Variants in RSBN1 observed in about 807,000 individuals in gnomAD.
RSBN1 encodes round spermatid basic protein 1.
A neutral mutation model predicts 74.8 loss-of-function variants in RSBN1; 23 were observed. The observed-to-expected ratio is 0.31, with a 90% CI of 0.22 to 0.44. The LOEUF (loss-of-function observed/expected upper bound fraction) is 0.44. Among genes scored for constraint, RSBN1 ranks in the 20% least tolerant of loss-of-function variants. RSBN1 has a pLI of 1.00. For missense variants in RSBN1, 808 were observed against 1,020.9 expected (o/e 0.79, Z 2.84); for synonymous variants, 407 against 379.6 (o/e 1.07, Z -0.84).
intron 2 of RSBN1, among the ~76,000 whole-genome samples, chr1:113,780,780 A>G (rs2101801542): frequency 6.6e-6 from 1 of 152,378 alleles, no homozygotes; most frequent in Admixed American, 6.5e-5. Flanking sequence ...GTAAACAACT[A>G]TGCTACAAAA....
chr1:113,789,716 T>C (rs1249969840), intron 2 of RSBN1, among the ~76,000 whole-genome samples: 2 of 152,186 alleles, frequency 1.3e-5, no homozygotes, highest in Non-Finnish European at 2.9e-5. Flanking sequence ...GAAGAACTGA[T>C]TGCTTGCTTG....
intron 2 of RSBN1, among the ~76,000 whole-genome samples, chr1:113,783,433 C>A (rs1042808445): frequency 4.7e-5 from 7 of 150,288 alleles, no homozygotes; most frequent in African/African-American, 1.7e-4. Flanking sequence ...CATGCACCAA[C>A]TTTCAACCTG....
At chr1:113,775,047 G>A (rs186679402) in intron 4 of RSBN1, among the ~76,000 whole-genome samples, 1 of 145,778 alleles carries the variant, frequency 6.9e-6, no homozygotes, top group Non-Finnish European at 1.5e-5. Context: ...TTTTGGAGAT[G>A]AAGTCTTGCT....
intron 2 of RSBN1, among the ~76,000 whole-genome samples, chr1:113,779,743 C>T (rs1660099508): frequency 6.6e-6 from 1 of 152,168 alleles, no homozygotes; most frequent in Non-Finnish European, 1.5e-5. Flanking sequence ...TCAGTCTCGG[C>T]CAGGCACGGT....
At chr1:113,801,944 C>T (rs1259542670) in intron 1 of RSBN1, among the ~76,000 whole-genome samples, 1 of 151,700 alleles carries the variant, frequency 6.6e-6, no homozygotes, top group East Asian at 1.9e-4. Flanking sequence ...AAAAAAACAG[C>T]TTTCTATATT....
At chr1:113,797,223 G>T in intron 2 of RSBN1, 140 bp downstream of exon 2, 1 of 700,744 alleles carries the variant, frequency 1.4e-6, no homozygotes, top group Non-Finnish European at 2.3e-6. Context: ...TTCAATTAGA[G>T]GAAGAGACAA....
rs779298470 is a variant in RSBN1, at chr1:113,767,087, A to G, written c.1935+12T>C. Reference sequence around the variant, plus strand: ...CTAATATCGCAAATGGTGATAAAACATAAGTTATTACCTGGGAAACTGGAG... The same window carrying G: ...CTAATATCGCAAATGGTGATAAAACGTAAGTTATTACCTGGGAAACTGGAG... On this transcript the variant is annotated intron_variant, in intron 6 of 6. Transcript: ENST00000261441. 92 of 1,476,640 alleles carry G rather than the reference A, an allele frequency of 6.2e-5. No homozygotes were observed. The highest frequency in any genetic ancestry group is 1.1e-4 in the East Asian group (5 of 44,128). 91.5% of individuals were successfully genotyped at this position (1,476,640 alleles called of 1,614,324 possible).
intron 5 of RSBN1, 116 bp downstream of exon 5, chr1:113,768,106 C>T (rs1659817883): frequency 1.2e-6 from 1 of 845,270 alleles, no homozygotes; most frequent in Non-Finnish European, 1.7e-6. Flanking sequence ...GTTAAGATGG[C>T]AAACTTTATG....
chr1:113,779,469 A>G (rs1032099219), intron 2 of RSBN1, among the ~76,000 whole-genome samples: 1 of 152,196 alleles, frequency 6.6e-6, no homozygotes, highest in East Asian at 1.9e-4. Flanking sequence ...CTTAAGCAGC[A>G]GCCACCCAGG....
At chr1:113,775,271 T>C (rs541949321) in intron 4 of RSBN1, among the ~76,000 whole-genome samples, 5 of 152,172 alleles carry the variant, frequency 3.3e-5, no homozygotes, top group African/African-American at 1.2e-4. Context: ...GTGATCCGCC[T>C]GCCTTGGCCT....
chr1:113,766,246 C>T lies in RSBN1; in HGVS notation c.2143G>A (p.Glu715Lys). The change falls in exon 7 of 7, where the codon GAA (glutamate) becomes AAA (lysine). Residue 715 changes from glutamate to lysine, a missense_variant. Physicochemically the swap from Glu to Lys is moderately conservative, Grantham distance 56 (BLOSUM62 1). This residue lies in a region of RSBN1 where 91 missense variants were observed against 99.6 expected (regional missense o/e 0.91). Transcript: ENST00000261441. ...HPVVEATQNT[E>K]SNSNMDCGLT... is the part of the protein sequence containing the mutation. ...CCACAGTCCATGTTAGAATTGCTTTCTGTGTTTTGAGTGGCTTCCACAACA... is the reference window on the plus strand; with the variant it reads ...CCACAGTCCATGTTAGAATTGCTTTTTGTGTTTTGAGTGGCTTCCACAACA... 1.2e-6 allele frequency: 2 copies of T among 1,614,114 alleles called. No homozygotes were observed. The highest frequency in any genetic ancestry group is 8.5e-7 in the Non-Finnish European group (1 of 1,179,968).
chr1:113,773,514 C>T lies in RSBN1; in HGVS notation c.1658+3696G>A, dbSNP rs150525319. ...CTCCAGCCTGGGTGACAGAGCAAGA[C>T]TCTGTCTAAAACAATTTTTTAAAAT... On this transcript the variant is annotated intron_variant, in intron 4 of 6. Transcript: ENST00000261441. Among the ~76,000 whole-genome samples, 31 of 152,022 alleles carry T rather than the reference C, an allele frequency of 2.0e-4. No homozygotes were observed. The East Asian group carries it at 5.7e-3, about 28-fold the overall frequency.
intron 1 of RSBN1, among the ~76,000 whole-genome samples, chr1:113,800,506 A>T (rs1660560937): frequency 6.6e-6 from 1 of 152,206 alleles, no homozygotes; most frequent in African/African-American, 2.4e-5. Flanking sequence ...TAAAGGTTAG[A>T]CCAATTTAAA....
intron 6 of RSBN1, 120 bp downstream of exon 6, chr1:113,766,979 A>T: frequency 1.8e-6 from 1 of 563,740 alleles, no homozygotes; most frequent in Non-Finnish European, 3.1e-6. Context: ...CCCAGTCTTT[A>T]ACAGTAATAA....
At chr1:113,777,932 T>C in intron 2 of RSBN1, 124 bp from the exon 3 acceptor site, 1 of 859,608 alleles carries the variant, frequency 1.2e-6, no homozygotes, top group South Asian at 3.7e-5. Flanking sequence ...GAATGGTCAA[T>C]ACCTTGAATA....
rs191374508 is a variant in RSBN1, at chr1:113,791,321, G to A, written c.1377+6042C>T. On this transcript the variant is annotated intron_variant, in intron 2 of 6. Coordinates refer to ENST00000261441, the MANE Select transcript of RSBN1 (RefSeq NM_018364.5). The stretch of plus-strand genomic sequence containing the variant: ...ATTATCTTTGAATATATATACTGCT[G>A]TCAATACATATGTAGTGTTTAAATT... 3.3e-5 allele frequency among the ~76,000 whole-genome samples: 5 copies of A among 152,208 alleles called. No homozygotes were observed. The East Asian group carries it at 9.6e-4, about 29-fold the overall frequency.
At chr1:113,775,080 A>G (rs1242164042) in intron 4 of RSBN1, among the ~76,000 whole-genome samples, 1 of 146,676 alleles carries the variant, frequency 6.8e-6, no homozygotes, top group African/African-American at 2.5e-5. Context: ...GCTTGAGTGG[A>G]GTGGCACAAT....
chr1:113,810,429 T>G (rs971789050), intron 1 of RSBN1, among the ~76,000 whole-genome samples: 6 of 148,796 alleles, frequency 4.0e-5, no homozygotes, highest in Non-Finnish European at 7.5e-5. Context: ...AATGAGAAAG[T>G]AGGGAATAAA....
intron 2 of RSBN1, among the ~76,000 whole-genome samples, chr1:113,787,268 T>C (rs1660263798): frequency 6.6e-6 from 1 of 152,200 alleles, no homozygotes; most frequent in Non-Finnish European, 1.5e-5. Flanking sequence ...TTTTTTTCTA[T>C]TCCTTGTCAA....
Sources: gnomAD v4.1 joint callset for allele counts (sites outside exome capture counted in the v4.1 genomes callset) on GRCh38, gnomAD v4.1.1 for gene constraint, gnomAD v4.1.1 regional missense constraint, MANE v1.5 for transcripts, NCBI Gene and HGNC (gene_info 2026-07-23, HGNC 2026-07-21) for gene names.